The following IL6 variants were observed in gnomAD, a reference collection of about 807,000 sequenced individuals.
The protein encoded by IL6 is interleukin 6.
Under a neutral mutation model 18.0 loss-of-function variants are expected in IL6, and 5 were observed. That is an observed-to-expected ratio of 0.28 (90% CI 0.15 to 0.58). IL6 has a LOEUF of 0.58. IL6 is among the 20% of genes least tolerant of loss of function. The probability of loss-of-function intolerance (pLI) is 0.90; values close to 1 mark genes in which losing one functional copy is unlikely to be tolerated. For synonymous variants in IL6, 97 were observed against 95.1 expected (o/e 1.02, Z -0.12); for missense variants, 266 against 251.0 (o/e 1.06, Z -0.40).
At chr7:22,730,782 A>G (rs1308835172) in intron 4 of IL6, among the ~76,000 whole-genome samples, 1 of 151,962 alleles carries the variant, frequency 6.6e-6, no homozygotes, top group Non-Finnish European at 1.5e-5. Flanking sequence ...TAAGGTGAGA[A>G]CTCCTTGAAC....
At chr7:22,730,601 G>A (rs892486827) in intron 4 of IL6, among the ~76,000 whole-genome samples, 1 of 152,132 alleles carries the variant, frequency 6.6e-6, no homozygotes, top group African/African-American at 2.4e-5. Context: ...CAGATTTAGA[G>A]GCCACTGAAG....
intron 2 of IL6, among the ~76,000 whole-genome samples, chr7:22,728,145 A>C (rs1043004580): frequency 6.6e-6 from 1 of 152,126 alleles, no homozygotes; most frequent in African/African-American, 2.4e-5. Flanking sequence ...TTTCAATGCA[A>C]GGTATTTTGG....
chr7:22,727,314 C>A, intron 1 of IL6, 33 bp downstream of exon 1: 1 of 1,614,028 alleles, frequency 6.2e-7, no homozygotes, highest in Non-Finnish European at 8.5e-7. Context: ...CCTGGAACTG[C>A]CAGCGGCGGT....
intron 2 of IL6, 28 bp downstream of exon 2, chr7:22,727,662 G>A (rs1784038215): frequency 6.5e-7 from 1 of 1,528,634 alleles, no homozygotes; most frequent in Non-Finnish European, 8.8e-7. Flanking sequence ...TGGGGTTGAA[G>A]GGCCCGGTGC....
chr7:22,728,710 C>T lies in IL6; in HGVS notation c.228C>T (p.Asn76=), dbSNP rs770018245. The part of the protein sequence containing the change: ...ALRKETCNKS[N]MCESSKEALA... ...TTTCCCAGACATGTAACAAGAGTAACATGTGTGAAAGCAGCAAAGAGGCAC... is the reference window on the plus strand; with the variant it reads ...TTTCCCAGACATGTAACAAGAGTAATATGTGTGAAAGCAGCAAAGAGGCAC... The change falls in exon 3 of 5, where the codon AAC becomes AAT. Residue 76 remains asparagine, a synonymous_variant. Transcript: ENST00000258743. 1.2e-6 allele frequency: 2 copies of T among 1,605,476 alleles called. No individual in the cohort carries two copies. The highest frequency in any genetic ancestry group is 4.5e-5 in the East Asian group (2 of 44,818).
In IL6 at chr7:22,731,610, CCTT is replaced by C; in HGVS notation, c.*43_*45del. 1 of 1,513,058 alleles carries C rather than the reference CCTT, an allele frequency of 6.6e-7. No homozygotes were observed. The highest frequency in any genetic ancestry group is 1.4e-5 in the African/African-American group (1 of 73,256). 93.7% of individuals were successfully genotyped at this position (1,513,058 alleles called of 1,614,324 possible). A position where few individuals can be genotyped will look rare whatever the true frequency, so the allele number is the denominator to read the frequency against. The stretch of plus-strand genomic sequence containing the variant: ...CAGATTGTTGTTGTTAATGGGCATT[CCTT>C]CTTCTGGTCAGAAACCTGTCCACTG... On this transcript the variant is annotated 3_prime_UTR_variant, in exon 5 of 5. Transcript: ENST00000258743.
intron 3 of IL6, 37 bp from the exon 4 acceptor site, chr7:22,729,477 T>C (rs760911721): frequency 5.6e-6 from 9 of 1,596,016 alleles, no homozygotes; most frequent in Admixed American, 1.7e-5. Context: ...TTCTATCTCC[T>C]GGCGATAACC....
chr7:22,727,461 G>T lies in IL6; in HGVS notation c.37G>T (p.Ala13Ser), dbSNP rs767924065. The change falls in exon 2 of 5, where the codon GCC becomes TCC. Residue 13 changes from alanine to serine, a missense_variant. Coordinates refer to ENST00000258743, the MANE Select transcript of IL6 (RefSeq NM_000600.5). ...SFSTSAFGPV[A>S]FSLGLLLVLP... ...CGGCACAGGCGCCTTCGGTCCAGTT[G>T]CCTTCTCCCTGGGGCTGCTCCTGGT... The T allele has an allele frequency of 6.2e-7, 1 of 1,614,016 alleles. No individual in the cohort carries two copies. The highest frequency in any genetic ancestry group is 1.1e-5 in the South Asian group (1 of 91,078).
At chr7:22,727,656 G>A (rs749527389) in intron 2 of IL6, 22 bp downstream of exon 2, 4 of 1,530,802 alleles carry the variant, frequency 2.6e-6, no homozygotes, top group Middle Eastern at 1.8e-4. Context: ...TGGCGATGGG[G>A]TTGAAGGGCC....
chr7:22,731,639 G>A lies in IL6; in HGVS notation c.*66G>A. 1 of 1,254,376 alleles carries A rather than the reference G, an allele frequency of 8.0e-7. No homozygotes were observed. The allele number at this position is 1,254,376 out of a possible 1,614,324, so 77.7% of individuals were successfully genotyped here. A position where few individuals can be genotyped will look rare whatever the true frequency, so the allele number is the denominator to read the frequency against. ...CTTCTGGTCAGAAACCTGTCCACTG[G>A]GCACAGAACTTATGTTGTTCTCTAT... On this transcript the variant is annotated 3_prime_UTR_variant, in exon 5 of 5. Coordinates refer to ENST00000258743, the MANE Select transcript of IL6 (RefSeq NM_000600.5).
At chr7:22,728,970 G>T (rs1479683762) in intron 3 of IL6, among the ~76,000 whole-genome samples, 164 bp downstream of exon 3, 2 of 152,210 alleles carry the variant, frequency 1.3e-5, no homozygotes, top group African/African-American at 4.8e-5. Flanking sequence ...CTTTTTTAAA[G>T]GCAGTTTATT....
intron 4 of IL6, chr7:22,729,934 T>C: frequency 8.1e-7 from 1 of 1,236,120 alleles, no homozygotes. Flanking sequence ...GCAAGAGATT[T>C]AAAACCAAAG....
chr7:22,728,473 A>T, intron 2 of IL6: 1 of 512,654 alleles, frequency 2.0e-6, no homozygotes, highest in Non-Finnish European at 3.5e-6. Flanking sequence ...AAGGAAACTG[A>T]GACTCAGGAT....
At chr7:22,729,863 A>C in intron 4 of IL6, 1 of 1,470,884 alleles carries the variant, frequency 6.8e-7, no homozygotes, top group South Asian at 1.4e-5. Context: ...AAAGGACATC[A>C]ATAACTGTAT....
In IL6 at chr7:22,727,474, G is replaced by T. The variant is rs1282201857; in HGVS notation, c.50G>T (p.Gly17Val). ...SAFGPVAFSL[G>V]LLLVLPAAFP... is the part of the protein sequence containing the mutation. ...TTCGGTCCAGTTGCCTTCTCCCTGG[G>T]GCTGCTCCTGGTGTTGCCTGCTGCC... Residue 17 changes from glycine (G) to valine (V), a missense_variant, in exon 2 of 5, where the codon GGG becomes GTG. By Grantham distance (109) the Gly-to-Val change is moderately radical. Transcript: ENST00000258743. 6.2e-7 allele frequency: 1 copy of T among 1,614,046 alleles called. No homozygotes were observed.
chr7:22,728,519 A>C (rs3087231), intron 2 of IL6, 174 bp from the exon 3 acceptor site: 1 of 593,810 alleles, frequency 1.7e-6, no homozygotes, highest in Non-Finnish European at 3.0e-6. Flanking sequence ...TGAGCTTGGA[A>C]CTGAACCCAA....
chr7:22,727,298 C>G lies in IL6; in HGVS notation c.19+17C>G. The G allele has an allele frequency of 6.2e-7, 1 of 1,614,022 alleles. No homozygotes were observed. The highest frequency in any genetic ancestry group is 8.5e-7 in the Non-Finnish European group (1 of 1,180,006). On this transcript the variant is annotated intron_variant, in intron 1 of 4. Transcript: ENST00000258743. The stretch of plus-strand genomic sequence containing the variant: ...TCTCCACAAGTAAGTGCAGGAAATC[C>G]TTAGCCCTGGAACTGCCAGCGGCGG...
At position 22,729,506 on chromosome 7, in the gene IL6, C is replaced by G. The variant is rs144818183; in HGVS notation, c.325-8C>G. 1 of 1,609,196 alleles carries G rather than the reference C, an allele frequency of 6.2e-7. No homozygotes were observed. Among genetic ancestry groups the G allele is most frequent in the East Asian group, 2.2e-5 (1 of 44,772 alleles). ...GATAACCAATTTTCCCACCATCTTTCCTCTTAGGAGACTTGCCTGGTGAAA... is the reference window on the plus strand; with the variant it reads ...GATAACCAATTTTCCCACCATCTTTGCTCTTAGGAGACTTGCCTGGTGAAA... On this transcript the variant is annotated splice_region_variant and splice_polypyrimidine_tract_variant and intron_variant, in intron 3 of 4. Coordinates refer to ENST00000258743, the MANE Select transcript of IL6 (RefSeq NM_000600.5).
At chr7:22,729,088 T>G (rs1554606) in intron 3 of IL6, among the ~76,000 whole-genome samples, 94,641 of 152,134 alleles carry the variant, frequency 0.62, 30,301 homozygotes, top group East Asian at 0.99. Flanking sequence ...AAAGGTACTC[T>G]CAGGGCCTTT....
Sources: gnomAD v4.1 joint callset for allele counts (sites outside exome capture counted in the v4.1 genomes callset) on GRCh38, gnomAD v4.1.1 for gene constraint, MANE v1.5 for transcripts, NCBI Gene and HGNC (gene_info 2026-07-23, HGNC 2026-07-21) for gene names.